SVEP1: variants seen among roughly 807,000 people sequenced by gnomAD.
SVEP1 encodes the protein sushi, von Willebrand factor type A, EGF and pentraxin domain containing 1, also known as sushi, von Willebrand factor type A, EGF and pentraxin domain-containing protein 1.
SVEP1 carries 164 observed loss-of-function variants against 367.3 expected under a neutral mutation model. The ratio of observed to expected loss-of-function variants is 0.45; its 90% confidence interval spans 0.39 to 0.51. The LOEUF (loss-of-function observed/expected upper bound fraction) is 0.51, where lower values mean the gene tolerates loss of function less well. Ranked by LOEUF, SVEP1 falls within the 20% of genes least tolerant of loss-of-function variation. SVEP1 has a pLI of 0.00. For synonymous variants in SVEP1, 1,666 were observed against 1,611.6 expected (o/e 1.03, Z -0.81); for missense variants, 4,117 against 4,425.3 (o/e 0.93, Z 1.98).
intron 14 of SVEP1, among the ~76,000 whole-genome samples, chr9:110,472,867 G>A (rs908066503): frequency 1.3e-5 from 2 of 152,134 alleles, no homozygotes; most frequent in Non-Finnish European, 2.9e-5. Context: ...GAGGCAACAA[G>A]GGTACATGGA....
chr9:110,578,974 G>T (rs995853145), intron 1 of SVEP1, 39 bp downstream of exon 1: 17 of 1,539,674 alleles, frequency 1.1e-5, no homozygotes, highest in Non-Finnish European at 1.5e-5. Context: ...CGAAGGGCCC[G>T]GGGACTAGGG....
In SVEP1 at chr9:110,432,564, T is replaced by A. The variant is rs1329237371; in HGVS notation, c.5131A>T (p.Thr1711Ser). The A allele has an allele frequency of 6.2e-7, 1 of 1,613,950 alleles. No individual in the cohort carries two copies. ...HSADDFYAGS[T>S]VTYQCNNGYY... ...CCATTGTTGCACTGGTAGGTTACTG[T>A]GCTGCCAGCATAGAAGTCATCGGCT... The change falls in exon 31 of 48, where the codon ACA (threonine) becomes TCA (serine). Residue 1711 changes from threonine (T) to serine (S), a missense_variant. Transcript: ENST00000374469.
intron 36 of SVEP1, among the ~76,000 whole-genome samples, chr9:110,425,362 T>G (rs1012041304): frequency 2.6e-5 from 4 of 152,176 alleles, no homozygotes; most frequent in Non-Finnish European, 5.9e-5. Context: ...ATAACACACT[T>G]TTATAAAAAT....
At chr9:110,523,809 C>T (rs915812637) in intron 3 of SVEP1, among the ~76,000 whole-genome samples, 1 of 148,644 alleles carries the variant, frequency 6.7e-6, no homozygotes, top group African/African-American at 2.5e-5. Flanking sequence ...AAAAGAAGAG[C>T]AAAATAAACC....
chr9:110,376,512 T>C (rs192451795), intron 45 of SVEP1, among the ~76,000 whole-genome samples: 7 of 152,350 alleles, frequency 4.6e-5, no homozygotes, highest in Admixed American at 1.3e-4. Context: ...TTTTCCTTTA[T>C]AGATTAGTTG....
At chr9:110,482,064 G>A (rs1478180033) in intron 11 of SVEP1, among the ~76,000 whole-genome samples, 1 of 152,126 alleles carries the variant, frequency 6.6e-6, no homozygotes, top group African/African-American at 2.4e-5. Context: ...ACATTGTGCA[G>A]CAAATATGTT....
chr9:110,561,509 T>C (rs1830426981), intron 1 of SVEP1, among the ~76,000 whole-genome samples: 1 of 152,182 alleles, frequency 6.6e-6, no homozygotes, highest in Non-Finnish European at 1.5e-5. Context: ...TAGCTATATG[T>C]CCACCATGCA....
At chr9:110,388,193 G>C (rs1827555341) in intron 41 of SVEP1, among the ~76,000 whole-genome samples, 1 of 152,106 alleles carries the variant, frequency 6.6e-6, no homozygotes, top group Admixed American at 6.6e-5. Flanking sequence ...GTGGGGAATA[G>C]AATAAATGAC....
chr9:110,543,040 G>C lies in SVEP1; in HGVS notation c.964+3075C>G, dbSNP rs567370722. Among the ~76,000 whole-genome samples the C allele has an allele frequency of 6.0e-5, 9 of 150,846 alleles. No homozygotes were observed. In the South Asian group the frequency reaches 1.9e-3, roughly 32 times the overall value. The stretch of plus-strand genomic sequence containing the variant: ...CACTGCTTCCAGATTTTTGGTCCTG[G>C]ATGACTTAGAGCTAAGATTTCTTTC... On this transcript the variant is annotated intron_variant, in intron 3 of 47. Coordinates refer to ENST00000374469, the MANE Select transcript of SVEP1 (RefSeq NM_153366.4).
At chr9:110,368,504 A>ATT (rs1434830661) in intron 47 of SVEP1, among the ~76,000 whole-genome samples, 3 of 152,194 alleles carry the variant, frequency 2.0e-5, no homozygotes, top group Admixed American at 2.0e-4. Flanking sequence ...AATGTACAGT[A>ATT]TTTTAATACA....
Position 110,390,001 on chromosome 9 carries a change from G to A in SVEP1, c.9823-414C>T, listed in dbSNP as rs1827604201. Among the ~76,000 whole-genome samples the A allele has an allele frequency of 5.2e-5, 6 of 116,060 alleles. No individual in the cohort carries two copies. The South Asian group carries it at 2.0e-3, about 38-fold the overall frequency. The allele number at this position is 116,060 out of a possible 152,430, so 76.1% of individuals were successfully genotyped here. A position where few individuals can be genotyped will look rare whatever the true frequency, so the allele number is the denominator to read the frequency against. The stretch of plus-strand genomic sequence containing the variant: ...ATTTGGCCATAAAAACACATGTGAT[G>A]TATACACATAAGTGTGTGTGTGTGT... On this transcript the variant is annotated intron_variant, in intron 40 of 47. Coordinates refer to ENST00000374469, the MANE Select transcript of SVEP1 (RefSeq NM_153366.4).
intron 3 of SVEP1, among the ~76,000 whole-genome samples, chr9:110,519,835 A>ATAG (rs1829855422): frequency 5.3e-5 from 8 of 152,158 alleles, no homozygotes; most frequent in Non-Finnish European, 1.0e-4. Flanking sequence ...TGGCTCTTCC[A>ATAG]CTAACAAGCT....
chr9:110,485,842 A>G (rs1829268770), intron 9 of SVEP1, among the ~76,000 whole-genome samples: 2 of 152,350 alleles, frequency 1.3e-5, no homozygotes, highest in South Asian at 2.1e-4. Flanking sequence ...ATGCAAATAC[A>G]TACTCTGAAA....
intron 27 of SVEP1, chr9:110,442,752 C>G (rs753291873): frequency 1.3e-5 from 2 of 152,092 alleles, no homozygotes; most frequent in East Asian, 3.9e-4. Context: ...CGTGAGCCAC[C>G]GTACCTGGCC....
rs559171732 is a variant in SVEP1 at position 110,398,694 on chromosome 9, A to C, written c.9822+2160T>G. The stretch of plus-strand genomic sequence containing the variant: ...AAAAGTGGGAGAAGGATATGAACAG[A>C]CAGTTCTCAAAAGAAGACGTTTATG... On this transcript the variant is annotated intron_variant, in intron 40 of 47. Transcript: ENST00000374469. 1.6e-3 allele frequency among the ~76,000 whole-genome samples: 247 copies of C among 152,358 alleles called. 1 individual carries two copies. The highest frequency in any genetic ancestry group is 5.4e-3 in the African/African-American group (223 of 41,592).
At chr9:110,537,096 C>A (rs75577035) in intron 3 of SVEP1, among the ~76,000 whole-genome samples, 19 of 151,922 alleles carry the variant, frequency 1.3e-4, no homozygotes, top group African/African-American at 4.6e-4. Flanking sequence ...AACTCATTTA[C>A]GATACTTTTT....
intron 3 of SVEP1, among the ~76,000 whole-genome samples, chr9:110,543,928 C>T (rs768341423): frequency 5.9e-5 from 9 of 152,008 alleles, no homozygotes; most frequent in Non-Finnish European, 1.0e-4. Context: ...GCTCCCAACC[C>T]CCCACCTTTT....
intron 26 of SVEP1, among the ~76,000 whole-genome samples, chr9:110,444,068 A>T (rs1445637858): frequency 6.6e-6 from 1 of 152,224 alleles, no homozygotes; most frequent in African/African-American, 2.4e-5. Flanking sequence ...AGAATTGTGT[A>T]AATGTCAAAC....
intron 10 of SVEP1, among the ~76,000 whole-genome samples, chr9:110,483,059 G>A (rs1245648961): frequency 6.6e-6 from 1 of 152,122 alleles, no homozygotes; most frequent in East Asian, 1.9e-4. Flanking sequence ...TAGGCAATAG[G>A]TAAGTCTGCT....
Sources: allele counts gnomAD v4.1 joint callset (sites outside exome capture counted in the v4.1 genomes callset), GRCh38; gene constraint gnomAD v4.1.1; transcripts MANE v1.5; gene names NCBI Gene and HGNC (gene_info 2026-07-23, HGNC 2026-07-21).